KLF7: variants seen among roughly 807,000 people sequenced by gnomAD.
KLF7 encodes the protein KLF transcription factor 7.
In KLF7, 2 loss-of-function variants were observed where a neutral mutation model predicts 27.3. The observed-to-expected ratio is 0.07, with a 90% CI of 0.03 to 0.23. KLF7 has a LOEUF of 0.23. Ranked by LOEUF, KLF7 falls within the 10% of genes least tolerant of loss-of-function variation. KLF7 has a pLI of 1.00. For missense variants in KLF7, 221 were observed against 394.1 expected (o/e 0.56, Z 3.72); for synonymous variants, 165 against 162.4 (o/e 1.02, Z -0.12).
At chr2:207,099,966 C>T (rs1024822205) in intron 2 of KLF7, among the ~76,000 whole-genome samples, 2 of 151,996 alleles carry the variant, frequency 1.3e-5, no homozygotes, top group African/African-American at 4.8e-5. Context: ...CCTGTCTCTA[C>T]AAAAAATTAA....
At chr2:207,150,853 T>C (rs1285051810) in intron 1 of KLF7, among the ~76,000 whole-genome samples, 1 of 152,168 alleles carries the variant, frequency 6.6e-6, no homozygotes, top group Non-Finnish European at 1.5e-5. Context: ...TAAGGCTGCA[T>C]GTGTTTTAAA....
chr2:207,165,962 A>G, upstream of KLF7: 1 of 1,014,800 alleles, frequency 9.9e-7, no homozygotes, highest in Non-Finnish European at 1.2e-6. Context: ...TCCTAATGCA[A>G]TCTTTGCTCT....
intron 2 of KLF7, among the ~76,000 whole-genome samples, chr2:207,104,305 T>C (rs978220370): frequency 2.0e-5 from 3 of 152,216 alleles, no homozygotes; most frequent in African/African-American, 7.2e-5. Flanking sequence ...ATATTTTCCT[T>C]CCTCGTGTAG....
chr2:207,165,681 C>CTTTTG lies in KLF7; in HGVS notation c.-118_-114dup. 8.5e-6 allele frequency: 13 copies of CTTTTG among 1,536,144 alleles called. No individual in the cohort carries two copies. The highest frequency in any genetic ancestry group is 1.4e-5 in the African/African-American group (1 of 72,244). ...CCAAGAAGGCAGACATCCAGTGGCC[C>CTTTTG]TTTTGTTTTGTTTTGTTTCAGTCAA... On this transcript the variant is annotated 5_prime_UTR_variant, in exon 1 of 4. Transcript: ENST00000309446.
chr2:207,150,006 C>G (rs2078198764), intron 1 of KLF7, among the ~76,000 whole-genome samples: 1 of 152,190 alleles, frequency 6.6e-6, no homozygotes, highest in Admixed American at 6.5e-5. Context: ...TGTAGCCACA[C>G]AGATGTCTAC....
In KLF7 at chr2:207,121,537, G is replaced by A. The variant is rs551899205; in HGVS notation, c.733+2237C>T. The A allele has an allele frequency of 9.8e-5, 15 of 152,296 alleles. No homozygotes were observed. The South Asian group carries it at 3.1e-3, about 32-fold the overall frequency. 9.4% of individuals were successfully genotyped at this position (152,296 alleles called of 1,614,324 possible). On this transcript the variant is annotated intron_variant, in intron 2 of 3. Transcript: ENST00000309446. ...GAGGAAACTGAGGTCATAAATCTAGGAAGCGACAGTGCGAGGACATAAACC... is the reference window on the plus strand; with the variant it reads ...GAGGAAACTGAGGTCATAAATCTAGAAAGCGACAGTGCGAGGACATAAACC...
At chr2:207,166,970 T>G (rs1198788787), upstream of KLF7, 7 of 692,318 alleles carry the variant, frequency 1.0e-5, no homozygotes, top group Non-Finnish European at 1.3e-5. Context: ...CTCCCGCGCC[T>G]CCTTCTGACC....
intron 2 of KLF7, among the ~76,000 whole-genome samples, chr2:207,113,208 C>G (rs1229035455): frequency 6.6e-6 from 1 of 152,202 alleles, no homozygotes; most frequent in Non-Finnish European, 1.5e-5. Flanking sequence ...AATTCTATTA[C>G]TACTCATATC....
chr2:207,082,888 T>C (rs771661625), intron 3 of KLF7, among the ~76,000 whole-genome samples: 1 of 152,064 alleles, frequency 6.6e-6, no homozygotes, highest in Admixed American at 6.5e-5. Flanking sequence ...CCACACCCCC[T>C]GTTTGTGTCC....
intron 3 of KLF7, among the ~76,000 whole-genome samples, chr2:207,087,058 G>A (rs1259219896): frequency 1.3e-5 from 2 of 152,220 alleles, no homozygotes; most frequent in East Asian, 3.9e-4. Flanking sequence ...AAACTCTCCT[G>A]GAGCATACTC....
chr2:207,124,352 T>C lies in KLF7; in HGVS notation c.155A>G (p.Glu52Gly). The C allele has an allele frequency of 6.3e-7, 1 of 1,596,334 alleles. No homozygotes were observed. Among genetic ancestry groups the C allele is most frequent in the Non-Finnish European group, 8.6e-7 (1 of 1,166,882 alleles). ...YLQTEPRRIS[E>G]TFGEDLDCFL... ...ACAGTCCAAGTCCTCACCAAAGGTCTCTGAGATCCTCCGGGGCTCCGTCTG... is the reference window on the plus strand; with the variant it reads ...ACAGTCCAAGTCCTCACCAAAGGTCCCTGAGATCCTCCGGGGCTCCGTCTG... The change falls in exon 2 of 4, where the codon GAG (glutamate) becomes GGG (glycine). Residue 52 changes from glutamate to glycine, a missense_variant. By Grantham distance (98) the Glu-to-Gly change is moderately conservative. Coordinates refer to ENST00000309446, the MANE Select transcript of KLF7 (RefSeq NM_003709.4).
chr2:207,132,587 G>A (rs1168753512), intron 1 of KLF7, among the ~76,000 whole-genome samples: 3 of 152,224 alleles, frequency 2.0e-5, no homozygotes, highest in South Asian at 2.1e-4. Context: ...AGAGGGTGAT[G>A]TCTTTGAAAT....
At position 207,078,372 on chromosome 2, in the gene KLF7, C is replaced by A. The variant is rs1226945828; in HGVS notation, c.*2841G>T. On this transcript the variant is annotated 3_prime_UTR_variant, in exon 4 of 4. Transcript: ENST00000309446. ...GAGAAATTACTGAACATTTCAGACA[C>A]TGATGAGGACCAAAGGGCCTTTGTT... The A allele has an allele frequency of 1.3e-5, 2 of 152,222 alleles. No homozygotes were observed. The highest frequency in any genetic ancestry group is 3.8e-4 in the East Asian group (2 of 5,202). 9.4% of individuals were successfully genotyped at this position (152,222 alleles called of 1,614,324 possible).
At chr2:207,085,044 C>G (rs2076354638) in intron 3 of KLF7, among the ~76,000 whole-genome samples, 1 of 151,734 alleles carries the variant, frequency 6.6e-6, no homozygotes, top group Non-Finnish European at 1.5e-5. Context: ...TACCTGTAAT[C>G]CCAGCTTCTT....
Position 207,123,870 on chromosome 2 carries a change from C to T in KLF7, c.637G>A (p.Glu213Lys), listed in dbSNP as rs761995114. ...CAGCGGTGAACCCTCTTCTTGTTTTCGGGACATGCTTCAGCCCCCAGCCCT... is the reference window on the plus strand; with the variant it reads ...CAGCGGTGAACCCTCTTCTTGTTTTTGGGACATGCTTCAGCCCCCAGCCCT... The part of the protein sequence containing the change: ...QGGLGAEACP[E>K]NKKRVHRCQF... Residue 213 changes from glutamate to lysine, a missense_variant, in exon 2 of 4, where the codon GAA becomes AAA. Transcript: ENST00000309446. 22 of 1,613,848 alleles carry T rather than the reference C, an allele frequency of 1.4e-5. No homozygotes were observed. The highest frequency in any genetic ancestry group is 1.9e-5 in the Non-Finnish European group (22 of 1,180,038).
chr2:207,171,186 C>G (rs548296646), upstream of KLF7, among the ~76,000 whole-genome samples: 151 of 151,794 alleles, frequency 9.9e-4, 1 homozygote, highest in Admixed American at 3.0e-3. Flanking sequence ...GAGAAAGTAA[C>G]TGCAGATCGG....
intron 2 of KLF7, among the ~76,000 whole-genome samples, chr2:207,096,410 G>A (rs1339963855): frequency 6.6e-6 from 1 of 152,176 alleles, no homozygotes; most frequent in Non-Finnish European, 1.5e-5. Flanking sequence ...TGCAGATTCC[G>A]AGTTCCCATC....
chr2:207,160,265 T>G (rs973835907), intron 1 of KLF7, among the ~76,000 whole-genome samples: 1 of 152,112 alleles, frequency 6.6e-6, no homozygotes, highest in Non-Finnish European at 1.5e-5. Context: ...AAGCAGTCAG[T>G]TGATTTGGGA....
chr2:207,172,289 GCCTT>G, the KLF7 span, among the ~76,000 whole-genome samples: 2 of 152,054 alleles, frequency 1.3e-5, no homozygotes, highest in Non-Finnish European at 2.9e-5. Flanking sequence ...GAACAAACAG[GCCTT>G]GTTAAGTTTC....
Sources: gnomAD v4.1 joint callset for allele counts (sites outside exome capture counted in the v4.1 genomes callset) on GRCh38, gnomAD v4.1.1 for gene constraint, MANE v1.5 for transcripts, NCBI Gene and HGNC (gene_info 2026-07-23, HGNC 2026-07-21) for gene names.